Variants in ZNF410 observed in about 807,000 individuals in gnomAD.
ZNF410 encodes the protein another partner for ARF 1.
In ZNF410, 18 loss-of-function variants were observed where a neutral mutation model predicts 54.8. That is an observed-to-expected ratio of 0.33 (90% CI 0.23 to 0.49). The LOEUF (loss-of-function observed/expected upper bound fraction) is 0.49. Ranked by LOEUF, ZNF410 falls within the 20% of genes least tolerant of loss-of-function variation. The pLI is 0.99. For synonymous variants in ZNF410, 191 were observed against 207.3 expected, an observed-to-expected ratio of 0.92 and a Z score of 0.68; for missense variants, 405 against 569.6, an observed-to-expected ratio of 0.71 and a Z score of 2.94.
chr14:73,923,361 C>T, intron 10 of ZNF410, 34 bp from the exon 11 acceptor site: 1 of 1,605,508 alleles, frequency 6.2e-7, no homozygotes, highest in South Asian at 1.1e-5. Context: ...TCTGGATTCA[C>T]TTTTCATTGA....
intron 11 of ZNF410, among the ~76,000 whole-genome samples, chr14:73,931,044 G>A (rs2055904548): frequency 6.6e-6 from 1 of 152,132 alleles, no homozygotes; most frequent in Admixed American, 6.6e-5. Context: ...TAAGCCCAAG[G>A]AACCCCTAGA....
chr14:73,910,325 G>T (rs1284877441), intron 8 of ZNF410, among the ~76,000 whole-genome samples: 1 of 152,190 alleles, frequency 6.6e-6, no homozygotes, highest in Non-Finnish European at 1.5e-5. Context: ...CAGTGTAGTG[G>T]CAGGGAGCAT....
Position 73,892,061 on chromosome 14 carries a change from C to A in ZNF410, c.-115C>A. ...ATTACCCACCTAGTACAACATCTTA[C>A]GGGAAGAGCATAGTATTTCCTAGAG... On this transcript the variant is annotated 5_prime_UTR_variant, in exon 2 of 12. Transcript: ENST00000555044. 2 of 1,178,080 alleles carry A rather than the reference C, an allele frequency of 1.7e-6. No homozygotes were observed. The highest frequency in any genetic ancestry group is 1.3e-6 in the Non-Finnish European group (1 of 783,178). 73.0% of individuals were successfully genotyped at this position (1,178,080 alleles called of 1,614,324 possible). A position where few individuals can be genotyped will look rare whatever the true frequency, so the allele number is the denominator to read the frequency against.
chr14:73,890,192 CTTT>C (rs35969764), intron 1 of ZNF410, among the ~76,000 whole-genome samples: 1 of 134,828 alleles, frequency 7.4e-6, no homozygotes. Context: ...TATTCAGTTA[CTTT>C]TTTTTTTTTT....
intron 10 of ZNF410, chr14:73,922,919 C>A (rs2055776292): frequency 6.6e-6 from 1 of 152,288 alleles, no homozygotes; most frequent in African/African-American, 2.4e-5. Context: ...GAAGAAACTT[C>A]TAGTTTTTTG....
chr14:73,931,668 A>C lies in ZNF410; in HGVS notation c.*127A>C. On this transcript the variant is annotated 3_prime_UTR_variant, in exon 12 of 12. Transcript: ENST00000555044. The stretch of plus-strand genomic sequence containing the variant: ...GAAGGCACAAGACTCTGCTTTTGCC[A>C]CTCTTCCTCTTTCCTGGTATAGAAG... The C allele has an allele frequency of 1.2e-6, 1 of 808,270 alleles. No individual in the cohort carries two copies. The highest frequency in any genetic ancestry group is 2.0e-6 in the Non-Finnish European group (1 of 489,228). 50.1% of individuals were successfully genotyped at this position (808,270 alleles called of 1,614,324 possible).
intron 8 of ZNF410, among the ~76,000 whole-genome samples, chr14:73,919,783 T>C (rs1444344084): frequency 2.0e-5 from 3 of 152,148 alleles, no homozygotes; most frequent in Non-Finnish European, 2.9e-5. Context: ...GAGCAGTTTA[T>C]TTTCCTTTGG....
At chr14:73,899,770 TG>T (rs946095045) in intron 5 of ZNF410, among the ~76,000 whole-genome samples, 5 of 152,188 alleles carry the variant, frequency 3.3e-5, no homozygotes, top group African/African-American at 4.8e-5. Flanking sequence ...CTGACTGGCT[TG>T]TTATGGAGAT....
At chr14:73,930,744 A>G (rs1226182331) in intron 11 of ZNF410, among the ~76,000 whole-genome samples, 1 of 152,046 alleles carries the variant, frequency 6.6e-6, no homozygotes, top group Non-Finnish European at 1.5e-5. Context: ...CTAGGACTGC[A>G]AGCATGTACC....
At chr14:73,893,258 A>G (rs1036671811) in intron 2 of ZNF410, 12 of 152,222 alleles carry the variant, frequency 7.9e-5, no homozygotes, top group African/African-American at 2.9e-4. Flanking sequence ...GCAGAGGTTA[A>G]CTTAATTACA....
At chr14:73,897,651 G>A (rs1418051218) in intron 4 of ZNF410, among the ~76,000 whole-genome samples, 1 of 152,116 alleles carries the variant, frequency 6.6e-6, no homozygotes, top group Non-Finnish European at 1.5e-5. Flanking sequence ...GGTAAAAGGC[G>A]AAGGTCAGGA....
At chr14:73,919,482 T>C (rs572472337) in intron 8 of ZNF410, among the ~76,000 whole-genome samples, 1 of 152,258 alleles carries the variant, frequency 6.6e-6, no homozygotes, top group East Asian at 1.9e-4. Context: ...ATTGTTCCCA[T>C]CTTTGTGTCC....
At chr14:73,925,471 A>G (rs2055816115) in intron 11 of ZNF410, among the ~76,000 whole-genome samples, 1 of 150,234 alleles carries the variant, frequency 6.7e-6, no homozygotes, top group South Asian at 2.1e-4. Flanking sequence ...ACTGTCGCCC[A>G]GGCTGGAGTG....
At chr14:73,897,364 T>TC (rs1433286993) in intron 4 of ZNF410, among the ~76,000 whole-genome samples, 1 of 152,150 alleles carries the variant, frequency 6.6e-6, no homozygotes, top group Non-Finnish European at 1.5e-5. Context: ...TCTAATTCTT[T>TC]TTAAAAATAA....
intron 1 of ZNF410, among the ~76,000 whole-genome samples, chr14:73,889,431 C>CAAAAAAAAAAAAAAAAAAAAA (rs11330316): frequency 1.2e-5 from 1 of 84,980 alleles, no homozygotes. Flanking sequence ...GACTCAGTCT[C>CAAAAAAAAAAAAAAAAAAAAA]AAAAAAAAAA....
intron 8 of ZNF410, chr14:73,920,779 G>C: frequency 1.8e-6 from 1 of 553,466 alleles, no homozygotes; most frequent in Non-Finnish European, 3.2e-6. Flanking sequence ...CTGGGAGCAG[G>C]GAGTGTGCTA....
At chr14:73,910,233 T>A (rs1423638173) in intron 8 of ZNF410, among the ~76,000 whole-genome samples, 2 of 152,170 alleles carry the variant, frequency 1.3e-5, no homozygotes, top group Non-Finnish European at 2.9e-5. Context: ...TACTGAAGAT[T>A]TATCTGGCAG....
In ZNF410 at chr14:73,907,552, G is replaced by A. The variant is rs150145486; in HGVS notation, c.914-1789G>A. 4.4e-3 allele frequency among the ~76,000 whole-genome samples: 662 copies of A among 151,514 alleles called. 6 individuals carry two copies. Among genetic ancestry groups the A allele is most frequent in the African/African-American group, 0.015 (638 of 41,248 alleles). ...AGAGGTTGCAGTGAGCCGAGATTGC[G>A]CCACTACACTCCATCCTAGGAGACA... On this transcript the variant is annotated intron_variant, in intron 7 of 11. Coordinates refer to ENST00000555044, the MANE Select transcript of ZNF410 (RefSeq NM_021188.3).
chr14:73,910,861 CAAAA>C (rs540690694), intron 8 of ZNF410, among the ~76,000 whole-genome samples: 1 of 68,600 alleles, frequency 1.5e-5, no homozygotes. Context: ...GACCCTGTCT[CAAAA>C]AAAAAAAAAA....
Sources: allele counts gnomAD v4.1 joint callset (sites outside exome capture counted in the v4.1 genomes callset), GRCh38; gene constraint gnomAD v4.1.1; transcripts MANE v1.5; gene names NCBI Gene and HGNC (gene_info 2026-07-23, HGNC 2026-07-21).